The following DOCK2 variants were observed in gnomAD, a reference collection of about 807,000 sequenced individuals.
DOCK2 encodes the protein dedicator of cytokinesis protein 2.
Under a neutral mutation model 248.9 loss-of-function variants are expected in DOCK2, and 87 were observed. The ratio of observed to expected loss-of-function variants is 0.35; its 90% confidence interval spans 0.29 to 0.42. The LOEUF (loss-of-function observed/expected upper bound fraction) is 0.42. DOCK2 is among the 10% of genes least tolerant of loss of function. DOCK2 has a pLI of 1.00. For synonymous variants in DOCK2, 805 were observed against 821.6 expected (o/e 0.98, Z 0.35); for missense variants, 1,747 against 2,300.2 (o/e 0.76, Z 4.92).
intron 27 of DOCK2, among the ~76,000 whole-genome samples, chr5:169,844,592 A>T (rs1486385658): frequency 6.6e-6 from 1 of 152,188 alleles, no homozygotes; most frequent in Non-Finnish European, 1.5e-5. Context: ...GCAATGTTTG[A>T]GGTTTTGTTT....
chr5:169,874,410 CAAAAAAAAAAA>C (rs34525811), intron 27 of DOCK2, among the ~76,000 whole-genome samples: 1 of 72,032 alleles, frequency 1.4e-5, no homozygotes, highest in Non-Finnish European at 2.5e-5. Context: ...GACTCTGTCT[CAAAAAAAAAAA>C]AAAAAAAAAA....
At chr5:169,945,376 C>A (rs1019291204) in intron 27 of DOCK2, among the ~76,000 whole-genome samples, 3 of 152,220 alleles carry the variant, frequency 2.0e-5, no homozygotes, top group Admixed American at 6.5e-5. Flanking sequence ...GAGACTGGAA[C>A]AAATTTGAAC....
chr5:169,806,222 T>TG (rs1401899793), intron 26 of DOCK2, among the ~76,000 whole-genome samples: 2 of 150,122 alleles, frequency 1.3e-5, no homozygotes, highest in Non-Finnish European at 3.0e-5. Context: ...CTCGAGAGTT[T>TG]TTTTTTTTTT....
rs146746458 is a variant in DOCK2 at position 169,684,342 on chromosome 5, G to A, written c.753G>A (p.Thr251=). 1.9e-4 allele frequency: 299 copies of A among 1,614,110 alleles called. No homozygotes were observed. The African/African-American group carries it at 3.4e-3, about 18-fold the overall frequency. Residue 251 remains threonine (T), a synonymous_variant, in exon 8 of 52, where the codon ACG becomes ACA. Coordinates refer to ENST00000520908, the MANE Select transcript of DOCK2 (RefSeq NM_004946.3). ...CTCTCTACGACCCCAACAAGCAAAC[G>A]GTCATAAGGTAGGTGTGTCCAGGGT... ...FMSLYDPNKQ[T]VISENYLVRW... is the part of the protein sequence containing the mutation.
At chr5:169,813,851 A>G (rs1008448509) in intron 26 of DOCK2, among the ~76,000 whole-genome samples, 1 of 152,182 alleles carries the variant, frequency 6.6e-6, no homozygotes, top group African/African-American at 2.4e-5. Flanking sequence ...GGGGACAATG[A>G]GTTGGGTACC....
chr5:169,922,811 GT>G (rs1775243757), intron 27 of DOCK2, among the ~76,000 whole-genome samples: 1 of 152,184 alleles, frequency 6.6e-6, no homozygotes, highest in African/African-American at 2.4e-5. Context: ...CATTGTTTGA[GT>G]ATCTGATACA....
chr5:169,828,788 C>T (rs1318793479), intron 26 of DOCK2, among the ~76,000 whole-genome samples: 1 of 152,212 alleles, frequency 6.6e-6, no homozygotes, highest in Admixed American at 6.5e-5. Flanking sequence ...CTCTCTGCAA[C>T]AGTTACGTGA....
chr5:169,895,846 G>A (rs1028816685), intron 27 of DOCK2, among the ~76,000 whole-genome samples: 8 of 152,210 alleles, frequency 5.3e-5, no homozygotes, highest in African/African-American at 1.9e-4. Flanking sequence ...ATAACGCAGT[G>A]CCTGGCACAT....
intron 27 of DOCK2, among the ~76,000 whole-genome samples, chr5:169,972,484 A>G (rs1302233647): frequency 1.7e-5 from 1 of 58,560 alleles, no homozygotes; most frequent in Non-Finnish European, 2.8e-5. Flanking sequence ...AATGAAAAAT[A>G]TTTCAAGGCA....
intron 26 of DOCK2, among the ~76,000 whole-genome samples, chr5:169,807,659 C>T (rs908720592): frequency 6.6e-5 from 10 of 151,512 alleles, no homozygotes; most frequent in Admixed American, 1.3e-4. Flanking sequence ...GGTGAAACCC[C>T]GTCTCTACTA....
At chr5:169,640,705 C>T (rs1217000960) in intron 1 of DOCK2, among the ~76,000 whole-genome samples, 1 of 152,186 alleles carries the variant, frequency 6.6e-6, no homozygotes, top group Non-Finnish European at 1.5e-5. Flanking sequence ...TTGGAGCCAA[C>T]TTTCTGTCTT....
chr5:169,753,785 G>C (rs1036406171), intron 23 of DOCK2, among the ~76,000 whole-genome samples: 4 of 152,156 alleles, frequency 2.6e-5, no homozygotes, highest in Non-Finnish European at 4.4e-5. Flanking sequence ...TTAGTGATGA[G>C]ACTGAATGTC....
intron 29 of DOCK2, among the ~76,000 whole-genome samples, chr5:169,988,608 G>A (rs1778130298): frequency 6.6e-6 from 1 of 152,036 alleles, no homozygotes; most frequent in Admixed American, 6.6e-5. Context: ...CGCCTCCTGG[G>A]TTCAAGTGAT....
intron 23 of DOCK2, among the ~76,000 whole-genome samples, chr5:169,751,735 C>A (rs568481629): frequency 6.6e-6 from 1 of 152,190 alleles, no homozygotes. Flanking sequence ...ACCAAGACCA[C>A]GGAGAATTGA....
chr5:169,879,879 A>G (rs1467699786), intron 27 of DOCK2, among the ~76,000 whole-genome samples: 1 of 152,218 alleles, frequency 6.6e-6, no homozygotes, highest in Non-Finnish European at 1.5e-5. Flanking sequence ...GGCCAAATAT[A>G]AAATCATTTT....
chr5:169,991,984 C>T (rs899351092), intron 29 of DOCK2, among the ~76,000 whole-genome samples: 2 of 152,172 alleles, frequency 1.3e-5, no homozygotes, highest in African/African-American at 4.8e-5. Context: ...ATGCTTCCAT[C>T]ATTGTCATTA....
At chr5:169,800,289 C>G (rs1034606036) in intron 25 of DOCK2, among the ~76,000 whole-genome samples, 1 of 152,208 alleles carries the variant, frequency 6.6e-6, no homozygotes, top group African/African-American at 2.4e-5. Flanking sequence ...TCATTATTCT[C>G]CTTCCAAGAG....
chr5:169,860,031 C>A (rs1318598064), intron 27 of DOCK2, among the ~76,000 whole-genome samples: 2 of 139,590 alleles, frequency 1.4e-5, no homozygotes, highest in Non-Finnish European at 3.0e-5. Context: ...AGTGCAGTGG[C>A]ATGGTCACAG....
intron 27 of DOCK2, among the ~76,000 whole-genome samples, chr5:169,874,969 C>T (rs979984973): frequency 6.6e-6 from 1 of 152,106 alleles, no homozygotes; most frequent in African/African-American, 2.4e-5. Flanking sequence ...CCTCCATTCT[C>T]ACCTTTACCC....
Sources: allele counts gnomAD v4.1 joint callset (sites outside exome capture counted in the v4.1 genomes callset), GRCh38; gene constraint gnomAD v4.1.1; transcripts MANE v1.5; gene names NCBI Gene and HGNC (gene_info 2026-07-23, HGNC 2026-07-21).